Variants in ALAS2 observed in about 807,000 individuals in gnomAD.
ALAS2 encodes the protein 5'-aminolevulinate synthase 2, also known as 5-aminolevulinate synthase, erythroid-specific, mitochondrial.
A neutral mutation model predicts 33.7 loss-of-function variants in ALAS2; 3 were observed. That is an observed-to-expected ratio of 0.09 (90% confidence interval 0.04 to 0.23). The LOEUF (loss-of-function observed/expected upper bound fraction) is 0.23. Ranked by LOEUF, ALAS2 falls within the 10% of genes least tolerant of loss-of-function variation. The pLI is 1.00. For synonymous variants in ALAS2, 191 were observed against 177.3 expected (o/e 1.08, Z -0.61); for missense variants, 304 against 475.1 (o/e 0.64, Z 3.35).
At chrX:55,021,413 T>C in intron 4 of ALAS2, 139 bp from the exon 5 acceptor site, 1 of 521,450 alleles carries the variant, frequency 1.9e-6, no homozygotes, top group Non-Finnish European at 3.3e-6. Context: ...CATTGACTTA[T>C]GGACCACATT....
In ALAS2 at chrX:55,028,227, T is replaced by C. The variant is rs139788096; in HGVS notation, c.-15-2212A>G. On this transcript the variant is annotated intron_variant, in intron 1 of 10. Transcript: ENST00000650242. ...ATAAAGTTGCCAGAGTTTATCGCCA[T>C]TGGGGTCTGACCACTCCCCAAGCTG... is the stretch of plus-strand genomic sequence containing the variant. Among the ~76,000 whole-genome samples the C allele has an allele frequency of 7.7e-3, 848 of 110,737 alleles. 10 individuals are homozygous for C. Among genetic ancestry groups the C allele is most frequent in the African/African-American group, 0.026 (793 of 30,423 alleles).
Position 55,025,928 on chromosome X carries a change from C to T in ALAS2, c.73G>A (p.Val25Met), listed in dbSNP as rs780108052. The T allele has an allele frequency of 9.1e-6, 11 of 1,209,356 alleles. No individual in the cohort carries two copies. The highest frequency in any genetic ancestry group is 1.2e-5 in the Non-Finnish European group (11 of 895,002). The change falls in exon 2 of 11, where the codon GTG (valine) becomes ATG (methionine). Residue 25 changes from valine to methionine, a missense_variant. By Grantham distance (21) the Val-to-Met change is conservative. Transcript: ENST00000650242. ...ARGPTSLLGK[V>M]VKTHQFLFGI... ...AACAGGAACTGGTGAGTCTTAACCA[C>T]CTTGCCTAGGAGGCTTGTGGGGCCC... is the stretch of plus-strand genomic sequence containing the variant.
At position 55,025,809 on chromosome X, in the gene ALAS2, C is replaced by G; in HGVS notation, c.181+11G>C. 8.3e-7 allele frequency: 1 copy of G among 1,210,280 alleles called. No homozygotes were observed. Among genetic ancestry groups the G allele is most frequent in the Non-Finnish European group, 1.1e-6 (1 of 894,140 alleles). On this transcript the variant is annotated intron_variant, in intron 2 of 10. Coordinates refer to ENST00000650242, the MANE Select transcript of ALAS2 (RefSeq NM_000032.5). ...TAACATTCTCCCCTTTTGCTAGCAG[C>G]CTCTTCTTACCTCCTCCAGCCTTTG...
At chrX:55,009,918 C>A (rs142563857) in intron 10 of ALAS2, among the ~76,000 whole-genome samples, 2 of 111,378 alleles carry the variant, frequency 1.8e-5, no homozygotes, top group Non-Finnish European at 3.8e-5. Flanking sequence ...CTCCAGCTCA[C>A]GCCACTCTAC....
At chrX:55,010,348 C>T (rs138175076) in intron 10 of ALAS2, among the ~76,000 whole-genome samples, 1,586 of 111,233 alleles carry the variant, frequency 0.014, 27 homozygotes, top group African/African-American at 0.05. Context: ...TGTTAAAACC[C>T]GAGTCAGAAA....
At chrX:55,014,124 G>A (rs1193800047) in intron 9 of ALAS2, among the ~76,000 whole-genome samples, 1 of 111,600 alleles carries the variant, frequency 9.0e-6, no homozygotes, top group African/African-American at 3.3e-5. Context: ...TCCCTGCCCT[G>A]GCTTACTGAC....
Position 55,015,725 on chromosome X carries a change from C to G in ALAS2, c.1021G>C (p.Glu341Gln), listed in dbSNP as rs142713771. The G allele has an allele frequency of 8.3e-7, 1 of 1,211,020 alleles. No homozygotes were observed. Among genetic ancestry groups the G allele is most frequent in the East Asian group, 3.0e-5 (1 of 33,827 alleles). The change falls in exon 8 of 11, where the codon GAG (glutamate) becomes CAG (glutamine). Residue 341 changes from glutamate to glutamine, a missense_variant. Physicochemically the swap from Glu to Gln is conservative, Grantham distance 29. This residue lies in a region of ALAS2 where 138 missense variants were observed against 265.3 expected (regional missense o/e 0.52). Coordinates refer to ENST00000650242, the MANE Select transcript of ALAS2 (RefSeq NM_000032.5). ...HSMDGAICPL[E>Q]ELCDVSHQYG... ...TGGTGGGACACATCACACAACTCCT[C>G]GAGGGGACAGATGGCACCTGAGCAA... is the stretch of plus-strand genomic sequence containing the variant.
chrX:55,011,613 G>A (rs972248858), intron 10 of ALAS2, among the ~76,000 whole-genome samples: 2 of 111,960 alleles, frequency 1.8e-5, no homozygotes, highest in African/African-American at 3.2e-5. Context: ...AAAGCAAATA[G>A]GTTTGAGAGA....
chrX:55,016,619 C>T (rs1052760387), intron 7 of ALAS2, among the ~76,000 whole-genome samples: 2 of 111,493 alleles, frequency 1.8e-5, no homozygotes, highest in Non-Finnish European at 1.9e-5. Context: ...GGAAAAGGGA[C>T]AAACTGAAAT....
chrX:55,010,436 A>C (rs757793940), intron 10 of ALAS2, among the ~76,000 whole-genome samples: 1 of 111,374 alleles, frequency 9.0e-6, no homozygotes, highest in Non-Finnish European at 1.9e-5. Context: ...ACCATACCCT[A>C]TACAATCTGG....
intron 8 of ALAS2, among the ~76,000 whole-genome samples, 187 bp downstream of exon 8, chrX:55,015,391 T>C (rs1935681688): frequency 9.0e-6 from 1 of 111,536 alleles, no homozygotes; most frequent in Non-Finnish European, 1.9e-5. Context: ...TTCAAAAAAC[T>C]CTACCAGACT....
intron 1 of ALAS2, among the ~76,000 whole-genome samples, chrX:55,028,394 G>A (rs377678393): frequency 5.4e-5 from 6 of 111,204 alleles, no homozygotes; most frequent in Admixed American, 2.9e-4. Context: ...CCAGGCTCCT[G>A]TAAACTCCCC....
chrX:55,018,885 C>G (rs1293740768), intron 6 of ALAS2, among the ~76,000 whole-genome samples: 1 of 111,077 alleles, frequency 9.0e-6, no homozygotes, highest in Non-Finnish European at 1.9e-5. Flanking sequence ...GATGTTGGAT[C>G]AGGCTAGGAT....
intron 10 of ALAS2, among the ~76,000 whole-genome samples, chrX:55,012,657 C>T (rs747789663): frequency 1.8e-4 from 20 of 111,742 alleles, no homozygotes; most frequent in Non-Finnish European, 3.2e-4. Flanking sequence ...CATGGTGGCA[C>T]GTGCCTGTAA....
rs761527246 is a variant in ALAS2, at chrX:55,024,757, C to A, written c.265G>T (p.Ala89Ser). Residue 89 changes from alanine to serine, a missense_variant, in exon 3 of 11, where the codon GCC becomes TCC. Transcript: ENST00000650242. Reference protein sequence around the residue: ...DGKSKIVQKAAPEVQEDVKAF... With the variant: ...DGKSKIVQKASPEVQEDVKAF... The stretch of plus-strand genomic sequence containing the variant: ...TTCACATCTTCCTGGACTTCTGGGG[C>A]TGCCTTCTGCACAATCTTGCTCTTC... 6 of 1,211,783 alleles carry A rather than the reference C, an allele frequency of 5.0e-6. No individual in the cohort carries two copies. Among genetic ancestry groups the A allele is most frequent in the Middle Eastern group, 2.3e-4 (1 of 4,353 alleles).
chrX:55,026,687 T>C (rs1482934932), intron 1 of ALAS2, among the ~76,000 whole-genome samples: 1 of 111,581 alleles, frequency 9.0e-6, no homozygotes, highest in African/African-American at 3.3e-5. Context: ...CAAGTCCCAG[T>C]GGGGCTGGAA....
chrX:55,029,222 G>C (rs1453935715), intron 1 of ALAS2, among the ~76,000 whole-genome samples: 1 of 111,701 alleles, frequency 9.0e-6, no homozygotes, highest in Non-Finnish European at 1.9e-5. Flanking sequence ...TCCCAATCCT[G>C]TTACAATTTA....
intron 6 of ALAS2, among the ~76,000 whole-genome samples, chrX:55,019,677 T>C (rs184270607): frequency 9.0e-6 from 1 of 111,648 alleles, no homozygotes; most frequent in African/African-American, 3.3e-5. Context: ...AGGGTTGTAT[T>C]CATTCTGGAT....
intron 1 of ALAS2, 128 bp from the exon 2 acceptor site, chrX:55,026,143 G>A: frequency 3.6e-6 from 2 of 558,871 alleles, no homozygotes; most frequent in Non-Finnish European, 2.9e-6. Context: ...GCCCTTCCAG[G>A]GAAAGAACTT....
Sources: allele counts gnomAD v4.1 joint callset (sites outside exome capture counted in the v4.1 genomes callset), GRCh38; gene constraint gnomAD v4.1.1; regional missense constraint gnomAD v4.1.1; transcripts MANE v1.5; gene names NCBI Gene and HGNC (gene_info 2026-07-23, HGNC 2026-07-21).